The following CCDC178 variants were observed in gnomAD, a reference collection of about 807,000 sequenced individuals.
CCDC178 encodes coiled-coil domain-containing protein 178.
CCDC178 carries 126 observed loss-of-function variants against 117.4 expected under a neutral mutation model. The observed-to-expected ratio is 1.07, with a 90% CI of 0.93 to 1.24. The LOEUF (loss-of-function observed/expected upper bound fraction) is 1.24. Among genes scored for constraint, CCDC178 ranks in the 50% most tolerant of loss-of-function variants. CCDC178 has a pLI of 0.00. For synonymous variants in CCDC178, 283 were observed against 313.4 expected (o/e 0.90, Z 1.02); for missense variants, 1,030 against 986.9 (o/e 1.04, Z -0.59).
chr18:33,196,718 T>A (rs1413479690), intron 20 of CCDC178, among the ~76,000 whole-genome samples: 3 of 152,124 alleles, frequency 2.0e-5, no homozygotes. Context: ...GGTACTACAT[T>A]TTATTACCTC....
At position 33,309,915 on chromosome 18, in the gene CCDC178, GT is replaced by G. The variant is rs935145048; in HGVS notation, c.1022+13575del. On this transcript the variant is annotated intron_variant, in intron 11 of 22. Transcript: ENST00000383096. ...AATATTTGTCCAAAACAAAATGATT[GT>G]TTTTTTTTTCTTTTTTCTTTTCTTT... Among the ~76,000 whole-genome samples the G allele has an allele frequency of 1.5e-3, 226 of 147,316 alleles. 2 individuals carry two copies. Among genetic ancestry groups the G allele is most frequent in the African/African-American group, 4.6e-3 (184 of 39,894 alleles).
chr18:32,967,667 AT>A, intron 22 of CCDC178, among the ~76,000 whole-genome samples: 1 of 151,566 alleles, frequency 6.6e-6, no homozygotes, highest in Non-Finnish European at 1.5e-5. Flanking sequence ...TACTTTATAC[AT>A]TTTGTTGCTC....
At chr18:33,379,987 A>T (rs1236155168) in intron 5 of CCDC178, among the ~76,000 whole-genome samples, 1 of 152,108 alleles carries the variant, frequency 6.6e-6, no homozygotes, top group East Asian at 1.9e-4. Context: ...ACTGTACCAC[A>T]ATGTATATCT....
intron 20 of CCDC178, among the ~76,000 whole-genome samples, chr18:33,168,502 C>A (rs271462): frequency 0.16 from 24,554 of 151,930 alleles, 2,768 homozygotes; most frequent in African/African-American, 0.32. Flanking sequence ...ATACTTTTTC[C>A]AATCTAAAAA....
intron 21 of CCDC178, among the ~76,000 whole-genome samples, chr18:33,060,363 G>A (rs1258862098): frequency 2.0e-5 from 3 of 151,834 alleles, no homozygotes; most frequent in Non-Finnish European, 1.5e-5. Context: ...ATTATTTGAG[G>A]AAACTCCATT....
At chr18:33,264,740 G>C (rs2059792997) in intron 14 of CCDC178, among the ~76,000 whole-genome samples, 1 of 152,000 alleles carries the variant, frequency 6.6e-6, no homozygotes, top group African/African-American at 2.4e-5. Flanking sequence ...CATGTGACTT[G>C]CTTTGTTCAA....
At chr18:33,231,287 A>G (rs56168034) in intron 15 of CCDC178, among the ~76,000 whole-genome samples, 9,442 of 152,228 alleles carry the variant, frequency 0.062, 473 homozygotes, top group African/African-American at 0.13. Flanking sequence ...ATTGAGAAAA[A>G]TCCTGCAAAG....
chr18:33,174,358 A>G (rs957769721), intron 20 of CCDC178, among the ~76,000 whole-genome samples: 2 of 152,212 alleles, frequency 1.3e-5, no homozygotes, highest in African/African-American at 4.8e-5. Context: ...TCCAAACCAT[A>G]TCAGAAGTTA....
intron 20 of CCDC178, among the ~76,000 whole-genome samples, chr18:33,180,159 G>T (rs1451995794): frequency 1.3e-5 from 2 of 151,764 alleles, no homozygotes; most frequent in African/African-American, 4.8e-5. Context: ...TTGAAAATTG[G>T]CAAAATCTTA....
chr18:33,329,077 AT>A (rs946955715), intron 10 of CCDC178, among the ~76,000 whole-genome samples: 14 of 151,530 alleles, frequency 9.2e-5, no homozygotes, highest in Admixed American at 4.6e-4. Context: ...TGTTTTCTTA[AT>A]TTTTTTTGGA....
At chr18:33,387,266 A>G (rs912701817) in intron 5 of CCDC178, among the ~76,000 whole-genome samples, 1 of 152,208 alleles carries the variant, frequency 6.6e-6, no homozygotes, top group Non-Finnish European at 1.5e-5. Flanking sequence ...CAATATCTTG[A>G]AAATGACCAT....
At position 33,257,300 on chromosome 18, in the gene CCDC178, A is replaced by G. The variant is rs546637434; in HGVS notation, c.1409+9616T>C. On this transcript the variant is annotated intron_variant, in intron 14 of 22. Transcript: ENST00000383096. ...GTTCTCACTTGCTTTTCTTTCACCC[A>G]GGTCCCAGAAGTAGACAGATACTTT... 3.9e-5 allele frequency among the ~76,000 whole-genome samples: 6 copies of G among 152,214 alleles called. No individual in the cohort carries two copies. In the South Asian group the frequency reaches 1.2e-3, roughly 32 times the overall value.
intron 21 of CCDC178, among the ~76,000 whole-genome samples, chr18:33,066,361 C>T (rs1002516624): frequency 1.3e-5 from 2 of 151,626 alleles, no homozygotes; most frequent in African/African-American, 2.4e-5. Flanking sequence ...GAAAGAGAAA[C>T]GACTCAAATG....
intron 14 of CCDC178, among the ~76,000 whole-genome samples, chr18:33,246,298 G>A (rs781029611): frequency 5.3e-5 from 8 of 151,730 alleles, no homozygotes; most frequent in Non-Finnish European, 1.0e-4. Context: ...CAGATTCCCA[G>A]GCTTCACTCT....
chr18:33,113,610 G>T (rs552032541), intron 20 of CCDC178, among the ~76,000 whole-genome samples: 2 of 152,052 alleles, frequency 1.3e-5, no homozygotes, highest in East Asian at 3.9e-4. Flanking sequence ...AATTACAAGG[G>T]TTATAAATCT....
At chr18:33,111,166 G>T (rs1049509444) in intron 20 of CCDC178, among the ~76,000 whole-genome samples, 1 of 151,334 alleles carries the variant, frequency 6.6e-6, no homozygotes, top group Admixed American at 6.6e-5. Flanking sequence ...ATTATAAATA[G>T]TATCTATTTT....
chr18:33,437,296 G>T (rs1029252599), intron 2 of CCDC178, among the ~76,000 whole-genome samples: 3 of 152,162 alleles, frequency 2.0e-5, no homozygotes, highest in Non-Finnish European at 2.9e-5. Flanking sequence ...TGTCTAGTTT[G>T]TCCATTAAAC....
At chr18:33,391,591 T>C (rs1448764265) in intron 4 of CCDC178, among the ~76,000 whole-genome samples, 3 of 152,138 alleles carry the variant, frequency 2.0e-5, no homozygotes, top group African/African-American at 4.8e-5. Context: ...TAATCTACTG[T>C]ACAGTTAGAA....
chr18:33,285,231 C>T (rs1426469398), intron 12 of CCDC178, among the ~76,000 whole-genome samples: 1 of 152,026 alleles, frequency 6.6e-6, no homozygotes, highest in Non-Finnish European at 1.5e-5. Flanking sequence ...GAAAATCTTA[C>T]TCCATTTAGA....
Sources: gnomAD v4.1 joint callset for allele counts (sites outside exome capture counted in the v4.1 genomes callset) on GRCh38, gnomAD v4.1.1 for gene constraint, MANE v1.5 for transcripts, NCBI Gene and HGNC (gene_info 2026-07-23, HGNC 2026-07-21) for gene names.